Variants in ADD1 observed in about 807,000 individuals in gnomAD.
The protein encoded by ADD1 is alpha-adducin.
Under a neutral mutation model 80.5 loss-of-function variants are expected in ADD1, and 24 were observed. That is an observed-to-expected ratio of 0.30 (90% CI 0.22 to 0.42). ADD1 has a LOEUF of 0.42. ADD1 is among the 10% of genes least tolerant of loss of function. The pLI, the probability that ADD1 is intolerant of heterozygous loss-of-function variation, is 1.00. For missense variants in ADD1, 948 were observed against 1,019.0 expected (o/e 0.93, Z 0.95); for synonymous variants, 373 against 393.8 (o/e 0.95, Z 0.63).
chr4:2,861,689 A>G (rs1438307872), intron 1 of ADD1, among the ~76,000 whole-genome samples: 1 of 152,092 alleles, frequency 6.6e-6, no homozygotes, highest in Non-Finnish European at 1.5e-5. Context: ...ATTCCTAGAG[A>G]TTCAGATTCT....
intron 3 of ADD1, among the ~76,000 whole-genome samples, chr4:2,882,262 C>T (rs1393812918): frequency 6.6e-6 from 1 of 152,180 alleles, no homozygotes; most frequent in Admixed American, 6.5e-5. Context: ...CTCCTCTTTT[C>T]TTAGCCAGTG....
intron 9 of ADD1, among the ~76,000 whole-genome samples, chr4:2,903,618 A>C (rs892425042): frequency 3.3e-5 from 5 of 152,194 alleles, no homozygotes; most frequent in Non-Finnish European, 7.3e-5. Context: ...AGACTCTTAT[A>C]AGATAGGTGC....
chr4:2,852,149 T>TCTTTCTTTCTTC (rs1333347516), intron 1 of ADD1, among the ~76,000 whole-genome samples: 1 of 81,534 alleles, frequency 1.2e-5, no homozygotes, highest in Non-Finnish European at 2.4e-5. Flanking sequence ...TTTCTTTCTT[T>TCTTTCTTTCTTC]CTTTCTTTCT....
chr4:2,880,594 G>T (rs1371895762), intron 2 of ADD1, among the ~76,000 whole-genome samples: 2 of 143,918 alleles, frequency 1.4e-5, no homozygotes, highest in African/African-American at 5.2e-5. Flanking sequence ...TCCTGCCTCA[G>T]CCTCCCGAGT....
At chr4:2,844,771 G>A (rs1452976996) in intron 1 of ADD1, 3 of 152,128 alleles carry the variant, frequency 2.0e-5, no homozygotes, top group Non-Finnish European at 4.4e-5. Context: ...TGTTTAGAAA[G>A]ACAAAAAGCA....
At chr4:2,908,282 G>C (rs1480181004) in intron 11 of ADD1, among the ~76,000 whole-genome samples, 1 of 152,252 alleles carries the variant, frequency 6.6e-6, no homozygotes, top group Non-Finnish European at 1.5e-5. Flanking sequence ...TCCTGCCCAA[G>C]CATCTGGAAG....
chr4:2,870,465 G>A (rs952727036), intron 1 of ADD1, among the ~76,000 whole-genome samples: 1 of 151,844 alleles, frequency 6.6e-6, no homozygotes, highest in African/African-American at 2.4e-5. Flanking sequence ...AGTCTGTCCA[G>A]CTAGCAAGAA....
intron 14 of ADD1, among the ~76,000 whole-genome samples, chr4:2,917,319 A>G (rs995306297): frequency 3.3e-5 from 5 of 152,112 alleles, no homozygotes; most frequent in Non-Finnish European, 7.4e-5. Context: ...TTTGTTGGCT[A>G]CATAAATGTC....
At chr4:2,870,811 G>GT (rs1730311349) in intron 1 of ADD1, among the ~76,000 whole-genome samples, 1 of 152,218 alleles carries the variant, frequency 6.6e-6, no homozygotes, top group South Asian at 2.1e-4. Context: ...TGTCATTTGT[G>GT]TTTTTTTGTG....
intron 9 of ADD1, 24 bp downstream of exon 9, chr4:2,899,459 T>C (rs1263262144): frequency 1.2e-6 from 2 of 1,613,738 alleles, no homozygotes; most frequent in Non-Finnish European, 8.5e-7. Flanking sequence ...CACCACTTGA[T>C]GATAAACCTT....
chr4:2,875,248 T>C (rs1454468659), intron 1 of ADD1, among the ~76,000 whole-genome samples: 1 of 151,688 alleles, frequency 6.6e-6, no homozygotes, highest in Non-Finnish European at 1.5e-5. Context: ...GAGAAAAGAA[T>C]GTAATGTCAG....
chr4:2,870,971 CTT>C (rs34690642), intron 1 of ADD1, among the ~76,000 whole-genome samples: 36 of 139,608 alleles, frequency 2.6e-4, no homozygotes, highest in Admixed American at 2.9e-4. Flanking sequence ...CATTTTCTTT[CTT>C]TTTTTTTTTT....
chr4:2,853,739 G>A (rs1192664075), intron 1 of ADD1: 10 of 152,018 alleles, frequency 6.6e-5, no homozygotes, highest in African/African-American at 2.4e-4. Flanking sequence ...AAGTAGCTGG[G>A]ATTACAGGTG....
At chr4:2,881,072 C>CTTT (rs752868581) in intron 2 of ADD1, among the ~76,000 whole-genome samples, 1,672 of 89,146 alleles carry the variant, frequency 0.019, 31 homozygotes, top group Middle Eastern at 0.041. Flanking sequence ...GATGTATTTA[C>CTTT]TTTTTTTTTT....
At chr4:2,899,711 A>ACCAGCTGTGTCAGCTCAGTCC (rs1440218907) in intron 9 of ADD1, 3 of 454,838 alleles carry the variant, frequency 6.6e-6, no homozygotes, top group Non-Finnish European at 8.1e-6. Context: ...CAGCTGGATG[A>ACCAGCTGTGTCAGCTCAGTCC]CCAGCTGTGT....
intron 2 of ADD1, among the ~76,000 whole-genome samples, chr4:2,880,950 C>T (rs190729387): frequency 6.6e-6 from 1 of 151,506 alleles, no homozygotes; most frequent in East Asian, 1.9e-4. Context: ...GGGTTTTTTC[C>T]ACATTTAAAA....
chr4:2,926,509 C>A lies in ADD1; in HGVS notation c.2047+397C>A. On this transcript the variant is annotated intron_variant, in intron 15 of 15. Transcript: ENST00000683351. The surrounding 1 kb of genome is among the most constrained non-coding windows in gnomAD (Gnocchi z 5.0). The stretch of plus-strand genomic sequence containing the variant: ...GGTGTGTGATCCCGGGTGTCTGTCC[C>A]TCGGTCTCGTACATCCATGTCTCTC... 2 of 953,044 alleles carry A rather than the reference C, an allele frequency of 2.1e-6. No individual in the cohort carries two copies. Among genetic ancestry groups the A allele is most frequent in the Non-Finnish European group, 1.6e-6 (1 of 612,926 alleles). 59.0% of individuals were successfully genotyped at this position (953,044 alleles called of 1,614,324 possible). A position where few individuals can be genotyped will look rare whatever the true frequency, so the allele number is the denominator to read the frequency against.
chr4:2,928,749 G>GA lies in ADD1; in HGVS notation c.*227dup, dbSNP rs1476877698. On this transcript the variant is annotated 3_prime_UTR_variant, in exon 16 of 16. Transcript: ENST00000683351. ...CCTCTCAGAGCCTCAGCTTCTGGGG[G>GA]AGACATGCTCTCCCCACAGGGGGGA... The GA allele has an allele frequency of 1.9e-6, 1 of 536,554 alleles. No individual in the cohort carries two copies. The highest frequency in any genetic ancestry group is 3.2e-6 in the Non-Finnish European group (1 of 309,646). 33.2% of individuals were successfully genotyped at this position (536,554 alleles called of 1,614,324 possible). A position where few individuals can be genotyped will look rare whatever the true frequency, so the allele number is the denominator to read the frequency against.
At chr4:2,847,952 C>A (rs1046976855) in intron 1 of ADD1, among the ~76,000 whole-genome samples, 2 of 152,108 alleles carry the variant, frequency 1.3e-5, no homozygotes, top group South Asian at 2.1e-4. Context: ...TGGTGGCTCA[C>A]GTCTGTAATC....
Sources: gnomAD v4.1 joint callset for allele counts (sites outside exome capture counted in the v4.1 genomes callset) on GRCh38, gnomAD v4.1.1 for gene constraint, Gnocchi (gnomAD v3.1) non-coding constraint, MANE v1.5 for transcripts, NCBI Gene and HGNC (gene_info 2026-07-23, HGNC 2026-07-21) for gene names.